SLC38A4: variants seen among roughly 807,000 people sequenced by gnomAD.
The protein encoded by SLC38A4 is solute carrier family 38 member 4.
In SLC38A4, 20 loss-of-function variants were observed where a neutral mutation model predicts 63.1. That is an observed-to-expected ratio of 0.32 (90% confidence interval 0.22 to 0.46). The LOEUF (loss-of-function observed/expected upper bound fraction) is 0.46. Among genes scored for constraint, SLC38A4 ranks in the 20% least tolerant of loss-of-function variants. The pLI is 1.00. For synonymous variants in SLC38A4, 230 were observed against 225.5 expected, an observed-to-expected ratio of 1.02 and a Z score of -0.18; for missense variants, 526 against 663.6, an observed-to-expected ratio of 0.79 and a Z score of 2.28.
chr12:46,781,807 G>A (rs1938648241), intron 7 of SLC38A4, among the ~76,000 whole-genome samples: 1 of 151,976 alleles, frequency 6.6e-6, no homozygotes, highest in Admixed American at 6.6e-5. Flanking sequence ...TTGAACCACA[G>A]CTGAGGTGCT....
chr12:46,787,449 G>T (rs1054326494), intron 5 of SLC38A4, among the ~76,000 whole-genome samples: 1 of 152,078 alleles, frequency 6.6e-6, no homozygotes, highest in African/African-American at 2.4e-5. Flanking sequence ...AAGAGAAGAG[G>T]GTTCCAAGAC....
In SLC38A4 at chr12:46,771,601, T is replaced by C. The variant is rs1424685346; in HGVS notation, c.1300-2173A>G. Among the ~76,000 whole-genome samples, 3 of 152,096 alleles carry C rather than the reference T, an allele frequency of 2.0e-5. No individual in the cohort carries two copies. In the East Asian group the frequency reaches 5.8e-4, roughly 29 times the overall value. On this transcript the variant is annotated intron_variant, in intron 14 of 16. Coordinates refer to ENST00000266579, the MANE Select transcript of SLC38A4 (RefSeq NM_018018.5). ...CTTCTTCCTCTTTCTGAATAAGGAA[T>C]AGGAAAATTCCAAACAGAACTGAAG...
chr12:46,771,750 C>G (rs987628521), intron 14 of SLC38A4, among the ~76,000 whole-genome samples: 1 of 152,012 alleles, frequency 6.6e-6, no homozygotes, highest in Admixed American at 6.6e-5. Context: ...AAAGTGCCTC[C>G]CTGAGTAGTG....
intron 13 of SLC38A4, 24 bp downstream of exon 13, chr12:46,776,880 A>C: frequency 6.2e-7 from 1 of 1,600,726 alleles, no homozygotes. Context: ...TTGCATATAG[A>C]GAATGACTTT....
At chr12:46,773,135 G>A (rs1338381361) in intron 14 of SLC38A4, among the ~76,000 whole-genome samples, 2 of 152,096 alleles carry the variant, frequency 1.3e-5, no homozygotes, top group African/African-American at 4.8e-5. Context: ...TTCATGTATA[G>A]GGAGGTTTGG....
At chr12:46,780,109 T>C (rs1218326452) in intron 7 of SLC38A4, 79 bp from the exon 8 acceptor site, 19 of 1,099,828 alleles carry the variant, frequency 1.7e-5, no homozygotes, top group Non-Finnish European at 2.5e-5. Flanking sequence ...ATTTGGGATA[T>C]GTAAGATGAA....
intron 7 of SLC38A4, among the ~76,000 whole-genome samples, chr12:46,783,199 G>A (rs1938682295): frequency 6.6e-6 from 1 of 150,858 alleles, no homozygotes; most frequent in Non-Finnish European, 1.5e-5. Flanking sequence ...AGGACATGTA[G>A]GGTATAGATG....
intron 1 of SLC38A4, among the ~76,000 whole-genome samples, chr12:46,810,317 C>T (rs1416462420): frequency 1.3e-5 from 2 of 151,716 alleles, no homozygotes; most frequent in African/African-American, 4.8e-5. Context: ...GTTGTTCTCA[C>T]TCATAAGTGG....
intron 3 of SLC38A4, among the ~76,000 whole-genome samples, chr12:46,790,451 G>T (rs952435906): frequency 6.6e-6 from 1 of 151,938 alleles, no homozygotes; most frequent in African/African-American, 2.4e-5. Flanking sequence ...TACATTAATG[G>T]TCTGTAATTA....
rs754074365 is a variant in SLC38A4, at chr12:46,825,933, C to G, written c.-335G>C. 1.3e-5 allele frequency: 2 copies of G among 152,512 alleles called. No homozygotes were observed. The highest frequency in any genetic ancestry group is 2.9e-5 in the Non-Finnish European group (2 of 68,250). 9.4% of individuals were successfully genotyped at this position (152,512 alleles called of 1,614,324 possible). On this transcript the variant is annotated 5_prime_UTR_variant, in exon 1 of 17. Coordinates refer to ENST00000266579, the MANE Select transcript of SLC38A4 (RefSeq NM_018018.5). ...TGAGTGGGGTGTCCCGAGGCGGCAG[C>G]CTCCCGCGATCCTCCGTGCACGCCA...
intron 12 of SLC38A4, among the ~76,000 whole-genome samples, chr12:46,777,448 C>A (rs1938552670): frequency 6.6e-6 from 1 of 151,968 alleles, no homozygotes; most frequent in Non-Finnish European, 1.5e-5. Flanking sequence ...TAGAAGGAAC[C>A]TGGCTGCCAA....
At chr12:46,798,408 G>A (rs1565672397) in intron 2 of SLC38A4, among the ~76,000 whole-genome samples, 1 of 152,082 alleles carries the variant, frequency 6.6e-6, no homozygotes, top group Admixed American at 6.6e-5. Context: ...TTGCACATGT[G>A]GGTCACAGTG....
chr12:46,797,219 T>C (rs1416952449), intron 2 of SLC38A4, among the ~76,000 whole-genome samples: 1 of 152,140 alleles, frequency 6.6e-6, no homozygotes, highest in Non-Finnish European at 1.5e-5. Flanking sequence ...AGATAGCAAG[T>C]AAAACTTTAT....
intron 2 of SLC38A4, among the ~76,000 whole-genome samples, chr12:46,796,018 C>T (rs1477458273): frequency 6.6e-6 from 1 of 152,064 alleles, no homozygotes; most frequent in Non-Finnish European, 1.5e-5. Context: ...TTTGTTTACT[C>T]CTGAAACTTT....
chr12:46,777,010 A>G lies in SLC38A4; in HGVS notation c.1074-6T>C. On this transcript the variant is annotated splice_region_variant and splice_polypyrimidine_tract_variant and intron_variant, in intron 12 of 16. Coordinates refer to ENST00000266579, the MANE Select transcript of SLC38A4 (RefSeq NM_018018.5). ...GCATTTTTCTCCGGGACCGACTGGA[A>G]AAAGAAAGAACACCAAGCTTTGTTT... The G allele has an allele frequency of 1.2e-5, 20 of 1,606,410 alleles. No individual in the cohort carries two copies. Among genetic ancestry groups the G allele is most frequent in the Non-Finnish European group, 1.6e-5 (19 of 1,175,566 alleles).
chr12:46,804,672 G>C (rs1939195608), intron 1 of SLC38A4, among the ~76,000 whole-genome samples: 1 of 151,982 alleles, frequency 6.6e-6, no homozygotes. Flanking sequence ...AAAATGTGTA[G>C]TTAACAATTT....
At position 46,815,262 on chromosome 12, in the gene SLC38A4, TATATATATATATATATATATATAC is replaced by T. The variant is rs1245680022; in HGVS notation, c.-305+10617_-305+10640del. Among the ~76,000 whole-genome samples the T allele has an allele frequency of 3.1e-3, 370 of 117,882 alleles. 6 individuals are homozygous for T. The highest frequency in any genetic ancestry group is 0.011 in the African/African-American group (318 of 28,546). 77.3% of individuals were successfully genotyped at this position (117,882 alleles called of 152,430 possible). ...AAGGATATATATATATATATATATA[TATATATATATATATATATATATAC>T]ACACACACACACACACACACACAGA... is the stretch of plus-strand genomic sequence containing the variant. On this transcript the variant is annotated intron_variant, in intron 1 of 16. Transcript: ENST00000266579.
intron 1 of SLC38A4, among the ~76,000 whole-genome samples, chr12:46,812,115 C>T (rs1378303086): frequency 6.6e-6 from 1 of 151,786 alleles, no homozygotes; most frequent in East Asian, 1.9e-4. Context: ...ATTTATATTC[C>T]TTAATTATTT....
At chr12:46,798,673 A>G (rs1292164255) in intron 2 of SLC38A4, among the ~76,000 whole-genome samples, 2 of 152,280 alleles carry the variant, frequency 1.3e-5, no homozygotes, top group African/African-American at 4.8e-5. Flanking sequence ...AAGCCATGCT[A>G]ATCCCAGAAT....
Sources: allele counts gnomAD v4.1 joint callset (sites outside exome capture counted in the v4.1 genomes callset), GRCh38; gene constraint gnomAD v4.1.1; transcripts MANE v1.5; gene names NCBI Gene and HGNC (gene_info 2026-07-23, HGNC 2026-07-21).